HROB: variants seen among roughly 807,000 people sequenced by gnomAD.
The protein encoded by HROB is homologous recombination OB-fold protein.
In HROB, 44 loss-of-function variants were observed where a neutral mutation model predicts 61.0. That is an observed-to-expected ratio of 0.72 (90% confidence interval 0.57 to 0.93). The LOEUF is 0.93. HROB is among the 40% of genes least tolerant of loss of function. The probability of loss-of-function intolerance (pLI) is 0.00; values close to 1 mark genes in which losing one functional copy is unlikely to be tolerated. For synonymous variants in HROB, 301 were observed against 310.4 expected (o/e 0.97, Z 0.32); for missense variants, 716 against 796.2 (o/e 0.90, Z 1.21).
intron 5 of HROB, among the ~76,000 whole-genome samples, 153 bp downstream of exon 5, chr17:44,152,930 A>T (rs1235536435): frequency 6.6e-6 from 1 of 152,078 alleles, no homozygotes; most frequent in East Asian, 1.9e-4. Context: ...TCTTCCACTT[A>T]CCTACCTTTT....
At chr17:44,161,202 C>CA (rs35777921) in intron 9 of HROB, among the ~76,000 whole-genome samples, 59,722 of 125,088 alleles carry the variant, frequency 0.48, 15,886 homozygotes, top group African/African-American at 0.77. Context: ...GACTCTGTCT[C>CA]AAAAAAAAAA....
rs2053940729 is a variant in HROB at position 44,155,358 on chromosome 17, A to G, written c.1717A>G (p.Ser573Gly). ...VTPNNLVHIY[S>G]PDSGDGSFLK... ...ACCCAACAACCTGGTCCATATTTAC[A>G]GCCCGGATTCTGGGGATGGGAGCTT... Residue 573 changes from serine (S) to glycine (G), a missense_variant, in exon 8 of 10, where the codon AGC becomes GGC. Transcript: ENST00000585683. 4 of 1,614,146 alleles carry G rather than the reference A, an allele frequency of 2.5e-6. No individual in the cohort carries two copies. The African/African-American group carries it at 4.0e-5, about 16-fold the overall frequency.
chr17:44,154,485 GC>G, intron 5 of HROB, 70 bp from the exon 6 acceptor site: 1 of 1,497,934 alleles, frequency 6.7e-7, no homozygotes, highest in South Asian at 1.1e-5. Flanking sequence ...GGTTGCCCTG[GC>G]ACACTTGGAG....
chr17:44,152,386 C>T (rs539120430), intron 4 of HROB, among the ~76,000 whole-genome samples: 8 of 149,718 alleles, frequency 5.3e-5, no homozygotes, highest in South Asian at 2.1e-4. Flanking sequence ...ACCTGTGATA[C>T]GCGACAAGAT....
rs1486142334 is a variant in HROB at position 44,148,515 on chromosome 17, A to G, written c.712A>G (p.Thr238Ala). Reference sequence around the variant, plus strand: ...TCTAGATCCTGTCATCCAATGTAGGACTCCACGACCCCCCTTGAGACCTGG... The same window carrying G: ...TCTAGATCCTGTCATCCAATGTAGGGCTCCACGACCCCCCTTGAGACCTGG... ...ESLDPVIQCRTPRPPLRPGAV... is the reference protein window; with the variant it reads ...ESLDPVIQCRAPRPPLRPGAV... The change falls in exon 3 of 10, where the codon ACT becomes GCT. Residue 238 changes from threonine (T) to alanine (A), a missense_variant. By Grantham distance (58) the Thr-to-Ala change is moderately conservative (BLOSUM62 0). Transcript: ENST00000585683. 3 of 1,613,536 alleles carry G rather than the reference A, an allele frequency of 1.9e-6. No individual in the cohort carries two copies. The highest frequency in any genetic ancestry group is 2.7e-5 in the African/African-American group (2 of 74,734).
In HROB at chr17:44,154,679, C is replaced by A; in HGVS notation, c.1558+15C>A. 6.2e-7 allele frequency: 1 copy of A among 1,612,874 alleles called. No individual in the cohort carries two copies. The highest frequency in any genetic ancestry group is 8.5e-7 in the Non-Finnish European group (1 of 1,178,944). On this transcript the variant is annotated intron_variant, in intron 6 of 9. Transcript: ENST00000585683. ...GGACCCCACGGGTAAGGAATTAGGT[C>A]CTAGGTTGTCTGGTGAGTGGGCTCC... is the stretch of plus-strand genomic sequence containing the variant.
At position 44,162,152 on chromosome 17, in the gene HROB, G is replaced by A. The variant is rs1385967332; in HGVS notation, c.*220G>A. 1.9e-5 allele frequency: 10 copies of A among 516,248 alleles called. No individual in the cohort carries two copies. Among genetic ancestry groups the A allele is most frequent in the Admixed American group, 3.4e-5 (1 of 29,178 alleles). The allele number at this position is 516,248 out of a possible 1,614,324, so 32.0% of individuals were successfully genotyped here. A position where few individuals can be genotyped will look rare whatever the true frequency, so the allele number is the denominator to read the frequency against. On this transcript the variant is annotated 3_prime_UTR_variant, in exon 10 of 10. Transcript: ENST00000585683. ...TTGCCGTTGGCACCAGAATCCGGCC[G>A]GAGACTGGCTCTCCAGCCAACAAGA... is the stretch of plus-strand genomic sequence containing the variant.
At chr17:44,152,106 A>G (rs905519147) in intron 4 of HROB, among the ~76,000 whole-genome samples, 5 of 151,988 alleles carry the variant, frequency 3.3e-5, no homozygotes, top group African/African-American at 1.2e-4. Flanking sequence ...TGGCCTCCCA[A>G]AGTGCTGGGG....
chr17:44,155,763 G>A (rs2144055604), intron 8 of HROB, among the ~76,000 whole-genome samples: 1 of 152,328 alleles, frequency 6.6e-6, no homozygotes, highest in South Asian at 2.1e-4. Flanking sequence ...ACAGGTGGCA[G>A]TGTGGAGAAC....
chr17:44,142,211 G>A (rs1247552584), intron 1 of HROB, 66 bp downstream of exon 1: 4 of 1,434,006 alleles, frequency 2.8e-6, no homozygotes, highest in Non-Finnish European at 3.6e-6. Context: ...AACTGCTCAT[G>A]GGGTTCCAGC....
intron 1 of HROB, 57 bp from the exon 2 acceptor site, chr17:44,145,146 A>G: frequency 1.3e-6 from 2 of 1,582,762 alleles, no homozygotes; most frequent in Non-Finnish European, 1.7e-6. Flanking sequence ...CAGAGTGAGG[A>G]CAGAATGTGC....
intron 3 of HROB, among the ~76,000 whole-genome samples, chr17:44,150,271 G>A (rs562337303): frequency 1.3e-4 from 20 of 152,284 alleles, no homozygotes; most frequent in East Asian, 5.8e-4. Context: ...CATGTTAGCA[G>A]ATATCCAAAG....
chr17:44,161,352 C>T (rs1028094278), intron 9 of HROB, among the ~76,000 whole-genome samples: 20 of 152,140 alleles, frequency 1.3e-4, no homozygotes, highest in Admixed American at 2.6e-4. Flanking sequence ...TAGGGATTAT[C>T]GAGGTCAGCT....
chr17:44,147,046 TGTGA>T (rs947485581), intron 2 of HROB, among the ~76,000 whole-genome samples: 20 of 127,432 alleles, frequency 1.6e-4, no homozygotes, highest in African/African-American at 6.0e-4. Flanking sequence ...TGTGTGTGTG[TGTGA>T]GAGAGAGAGA....
In HROB at chr17:44,147,422, TTTTTC is replaced by T. The variant is rs1407340918; in HGVS notation, c.55-427_55-423del. On this transcript the variant is annotated intron_variant, in intron 2 of 9. Transcript: ENST00000585683. ...GCTTTCATGCTTTGGTTTCTTTTTC[TTTTTC>T]TTTTCTTTCTTTTTTTTTTTTTTTT... Among the ~76,000 whole-genome samples, 9 of 147,742 alleles carry T rather than the reference TTTTTC, an allele frequency of 6.1e-5. No homozygotes were observed. The East Asian group carries it at 8.2e-4, about 13-fold the overall frequency.
chr17:44,152,439 AG>A (rs890614539), intron 4 of HROB, among the ~76,000 whole-genome samples, 197 bp from the exon 5 acceptor site: 2 of 151,912 alleles, frequency 1.3e-5, no homozygotes, highest in Non-Finnish European at 2.9e-5. Flanking sequence ...AAAAAAAAAA[AG>A]AAAAAGAGAA....
chr17:44,157,032 A>G (rs1159652329), intron 8 of HROB, among the ~76,000 whole-genome samples: 1 of 152,046 alleles, frequency 6.6e-6, no homozygotes, highest in Admixed American at 6.6e-5. Flanking sequence ...TCCCGACCTC[A>G]AGTGATCCTC....
Position 44,155,411 on chromosome 17 carries a change from G to A in HROB, c.1770G>A (p.Lys590=), listed in dbSNP as rs763241374. The change falls in exon 8 of 10, where the codon AAG becomes AAA. Residue 590 remains lysine, a splice_region_variant and synonymous_variant. Transcript: ENST00000585683. ...TCAAGCCATCTCAGCCCTTCCCCAA[G>A]GTAAGAGGAGCAGGAAGAAACGGGA... is the stretch of plus-strand genomic sequence containing the variant. ...SFLKPSQPFP[K]DSGSFQHDVA... 32 of 1,613,732 alleles carry A rather than the reference G, an allele frequency of 2.0e-5. No homozygotes were observed. Among genetic ancestry groups the A allele is most frequent in the Non-Finnish European group, 2.5e-5 (29 of 1,179,942 alleles).
chr17:44,153,100 C>T lies in HROB; in HGVS notation c.1449+323C>T, dbSNP rs536783607. Among the ~76,000 whole-genome samples, 369 of 152,240 alleles carry T rather than the reference C, an allele frequency of 2.4e-3. 5 individuals carry two copies. The highest frequency in any genetic ancestry group is 8.0e-3 in the African/African-American group (331 of 41,516). ...TGCAGAGACATGCCAGTACATGTGC[C>T]AACATATCCCTGCCTGTGACTGTTA... On this transcript the variant is annotated intron_variant, in intron 5 of 9. Transcript: ENST00000585683.
Sources: gnomAD v4.1 joint callset for allele counts (sites outside exome capture counted in the v4.1 genomes callset) on GRCh38, gnomAD v4.1.1 for gene constraint, MANE v1.5 for transcripts, NCBI Gene and HGNC (gene_info 2026-07-23, HGNC 2026-07-21) for gene names.